CSMD1: variants seen among roughly 807,000 people sequenced by gnomAD.
The protein encoded by CSMD1 is CUB and Sushi multiple domains 1, also known as CUB and sushi domain-containing protein 1.
CSMD1 carries 213 observed loss-of-function variants against 417.5 expected under a neutral mutation model. That is an observed-to-expected ratio of 0.51 (90% CI 0.46 to 0.57). CSMD1 has a LOEUF of 0.57. Among genes scored for constraint, CSMD1 ranks in the 20% least tolerant of loss-of-function variants. The pLI, the probability that CSMD1 is intolerant of heterozygous loss-of-function variation, is 0.00. For missense variants in CSMD1, 6,923 were observed against 4,529.7 expected (o/e 1.53, Z -15.17); for synonymous variants, 2,862 against 1,736.8 (o/e 1.65, Z -16.11).
chr8:4,777,243 C>T (rs1796900737), intron 1 of CSMD1, among the ~76,000 whole-genome samples: 1 of 152,190 alleles, frequency 6.6e-6, no homozygotes, highest in Non-Finnish European at 1.5e-5. Context: ...AGCATCCTCT[C>T]TGAAGCAGGA....
intron 3 of CSMD1, among the ~76,000 whole-genome samples, chr8:4,385,557 TTAC>T (rs1233266645): frequency 3.9e-5 from 6 of 152,236 alleles, no homozygotes; most frequent in African/African-American, 1.2e-4. Flanking sequence ...GGACTGCACA[TTAC>T]TACAGTGTAT....
At chr8:3,974,382 G>A (rs947343132) in intron 5 of CSMD1, among the ~76,000 whole-genome samples, 2 of 151,798 alleles carry the variant, frequency 1.3e-5, no homozygotes, top group Admixed American at 6.6e-5. Context: ...TTTAAAAGAA[G>A]GAGGAAATTA....
rs113952915 is a variant in CSMD1 at position 3,779,488 on chromosome 8, T to C, written c.819-25446A>G. ...ATCTTAAAACAATCCTTTTATAGTA[T>C]TCACTGATTTCATCAAATATGTGAT... is the stretch of plus-strand genomic sequence containing the variant. On this transcript the variant is annotated intron_variant, in intron 5 of 69. Transcript: ENST00000635120. Among the ~76,000 whole-genome samples the C allele has an allele frequency of 4.9e-3, 751 of 152,288 alleles. 5 individuals carry two copies. Among genetic ancestry groups the C allele is most frequent in the African/African-American group, 0.015 (635 of 41,542 alleles).
At chr8:2,970,842 T>A (rs1191813606) in intron 57 of CSMD1, among the ~76,000 whole-genome samples, 1 of 152,210 alleles carries the variant, frequency 6.6e-6, no homozygotes, top group Non-Finnish European at 1.5e-5. Flanking sequence ...ATGGAAATTG[T>A]TTTAATTTAT....
chr8:4,464,541 A>C (rs1800037951), intron 2 of CSMD1, among the ~76,000 whole-genome samples: 1 of 152,150 alleles, frequency 6.6e-6, no homozygotes, highest in Non-Finnish European at 1.5e-5. Flanking sequence ...ATTGAACTAA[A>C]AGTGAAAAGC....
At chr8:3,769,995 C>T (rs1035109582) in intron 5 of CSMD1, among the ~76,000 whole-genome samples, 1 of 152,212 alleles carries the variant, frequency 6.6e-6, no homozygotes, top group East Asian at 1.9e-4. Flanking sequence ...CAGTGACCTG[C>T]CTTTTTCTTC....
chr8:4,649,449 A>AT (rs1406664922), intron 1 of CSMD1, among the ~76,000 whole-genome samples: 3 of 152,144 alleles, frequency 2.0e-5, no homozygotes, highest in Non-Finnish European at 4.4e-5. Context: ...AGCTTGAGTG[A>AT]TTTTTTCCAA....
intron 5 of CSMD1, among the ~76,000 whole-genome samples, chr8:3,907,621 C>T (rs915370288): frequency 1.3e-5 from 2 of 152,146 alleles, no homozygotes; most frequent in Admixed American, 1.3e-4. Context: ...AGCCTAAGTT[C>T]AGGCTCATTG....
chr8:4,380,052 T>A (rs992267576), intron 3 of CSMD1, among the ~76,000 whole-genome samples: 6 of 152,170 alleles, frequency 3.9e-5, no homozygotes, highest in African/African-American at 1.2e-4. Context: ...TAAATATCCA[T>A]CAATCCATAT....
At chr8:3,845,561 C>T (rs1249033983) in intron 5 of CSMD1, among the ~76,000 whole-genome samples, 16 of 152,178 alleles carry the variant, frequency 1.1e-4, no homozygotes, top group Middle Eastern at 3.4e-3. Context: ...TGTCAGTGAA[C>T]GAGTGATTAT....
intron 49 of CSMD1, among the ~76,000 whole-genome samples, chr8:3,073,295 T>C (rs1208575771): frequency 6.6e-6 from 1 of 152,120 alleles, no homozygotes; most frequent in African/African-American, 2.4e-5. Context: ...TACCAGATGA[T>C]TTAACATAGA....
intron 7 of CSMD1, among the ~76,000 whole-genome samples, chr8:3,640,067 C>A (rs1385854324): frequency 5.9e-5 from 9 of 152,098 alleles, no homozygotes; most frequent in Non-Finnish European, 1.2e-4. Flanking sequence ...GCATAAGAAG[C>A]AGCAACTTAT....
intron 1 of CSMD1, among the ~76,000 whole-genome samples, chr8:4,800,881 A>G (rs1220811576): frequency 6.6e-6 from 1 of 152,218 alleles, no homozygotes; most frequent in Non-Finnish European, 1.5e-5. Context: ...CCTTTCACAC[A>G]TGGAACTTAC....
In CSMD1 at chr8:4,077,297, G is replaced by GTATATATATATA. The variant is rs200304943; in HGVS notation, c.416-45210_416-45199dup. 3.4e-3 allele frequency among the ~76,000 whole-genome samples: 408 copies of GTATATATATATA among 121,238 alleles called. 7 individuals carry two copies. The highest frequency in any genetic ancestry group is 8.2e-3 in the South Asian group (33 of 4,018). The allele number at this position is 121,238 out of a possible 152,430, so 79.5% of individuals were successfully genotyped here. ...TTGTCACCTATATATATATATATGT[G>GTATATATATATA]TATATATATATATATATATATATAT... is the stretch of plus-strand genomic sequence containing the variant. On this transcript the variant is annotated intron_variant, in intron 3 of 69. Transcript: ENST00000635120.
intron 5 of CSMD1, among the ~76,000 whole-genome samples, chr8:3,976,660 C>A (rs1044624539): frequency 6.6e-6 from 1 of 152,176 alleles, no homozygotes; most frequent in Non-Finnish European, 1.5e-5. Context: ...TGACTGACAG[C>A]TTTCTTGCGC....
intron 45 of CSMD1, chr8:3,106,859 T>C (rs890811753): frequency 5.2e-6 from 2 of 384,182 alleles, no homozygotes; most frequent in Non-Finnish European, 4.6e-6. Context: ...AGTACTGAAA[T>C]GATGTGGCAG....
intron 21 of CSMD1, among the ~76,000 whole-genome samples, chr8:3,353,624 AGAGTT>A (rs539376526): frequency 0.012 from 1,838 of 152,328 alleles, 16 homozygotes; most frequent in Non-Finnish European, 0.019. Flanking sequence ...GAAAATCACA[AGAGTT>A]AAGTGACCAA....
intron 49 of CSMD1, among the ~76,000 whole-genome samples, chr8:3,058,885 C>T (rs1213745753): frequency 6.6e-6 from 1 of 152,088 alleles, no homozygotes; most frequent in Non-Finnish European, 1.5e-5. Context: ...GCAGGGACCT[C>T]CCACCTCCTC....
In CSMD1 at chr8:4,248,839, C is replaced by T. The variant is rs919172747; in HGVS notation, c.415+171114G>A. 3.9e-5 allele frequency among the ~76,000 whole-genome samples: 6 copies of T among 151,944 alleles called. No homozygotes were observed. In the South Asian group the frequency reaches 1.0e-3, roughly 26 times the overall value. ...TTGGTGACTGATGTATCCCAATAGC[C>T]AAAAACAATTGCTAACTCTCAAAAG... On this transcript the variant is annotated intron_variant, in intron 3 of 69. Transcript: ENST00000635120.
Sources: gnomAD v4.1 joint callset for allele counts (sites outside exome capture counted in the v4.1 genomes callset) on GRCh38, gnomAD v4.1.1 for gene constraint, MANE v1.5 for transcripts, NCBI Gene and HGNC (gene_info 2026-07-23, HGNC 2026-07-21) for gene names.